ANKRD28: variants seen among roughly 807,000 people sequenced by gnomAD.
ANKRD28 encodes ankyrin repeat domain 28.
A neutral mutation model predicts 126.5 loss-of-function variants in ANKRD28; 44 were observed. The ratio of observed to expected loss-of-function variants is 0.35; its 90% CI spans 0.27 to 0.45. The LOEUF is 0.45. ANKRD28 is among the 20% of genes least tolerant of loss of function. The pLI is 1.00. For synonymous variants in ANKRD28, 442 were observed against 468.5 expected (o/e 0.94, Z 0.73); for missense variants, 1,110 against 1,316.6 (o/e 0.84, Z 2.43).
chr3:15,851,191 G>C (rs928162140), intron 1 of ANKRD28, among the ~76,000 whole-genome samples: 10 of 151,972 alleles, frequency 6.6e-5, no homozygotes, highest in Non-Finnish European at 1.0e-4. Flanking sequence ...TGGCCAATAT[G>C]CACATGAAAA....
intron 1 of ANKRD28, among the ~76,000 whole-genome samples, chr3:15,824,748 T>G (rs1003819544): frequency 2.0e-5 from 3 of 152,248 alleles, no homozygotes; most frequent in African/African-American, 7.2e-5. Flanking sequence ...TGTGCACATT[T>G]GCTATCAGGT....
intron 4 of ANKRD28, among the ~76,000 whole-genome samples, chr3:15,748,997 T>G (rs994957698): frequency 4.6e-5 from 7 of 152,094 alleles, no homozygotes; most frequent in African/African-American, 2.4e-5. Flanking sequence ...GACTTTCCAG[T>G]GCATTTTGCA....
chr3:15,777,044 G>C (rs1339731890), intron 2 of ANKRD28, among the ~76,000 whole-genome samples: 1 of 152,128 alleles, frequency 6.6e-6, no homozygotes, highest in Non-Finnish European at 1.5e-5. Context: ...GGGAGGCCGA[G>C]GTGGGTGGAT....
intron 12 of ANKRD28, 63 bp downstream of exon 12, chr3:15,711,148 T>TA: frequency 7.4e-7 from 1 of 1,360,356 alleles, no homozygotes; most frequent in Non-Finnish European, 1.0e-6. Flanking sequence ...AGAACAAAGA[T>TA]AAGAGAAAAC....
In ANKRD28 at chr3:15,713,542, C is replaced by T; in HGVS notation, c.1175G>A (p.Gly392Asp). The T allele has an allele frequency of 1.2e-6, 2 of 1,611,246 alleles. No homozygotes were observed. Among genetic ancestry groups the T allele is most frequent in the South Asian group, 1.1e-5 (1 of 90,618 alleles). The change falls in exon 10 of 28, where the codon GGT becomes GAT. Residue 392 changes from glycine (G) to aspartate (D), a missense_variant. Gly to Asp is a moderately conservative substitution (Grantham distance 94). Transcript: ENST00000683139. ...ELLINTLITS[G>D]ADTAKRGIHG... ...AAGTACTTACTTTGCAGTGTCAGCA[C>T]CACTTGTAATAAGAGTGTTGATCAG...
Position 15,669,325 on chromosome 3 carries a change from T to TA in ANKRD28, c.*944dup, listed in dbSNP as rs892240411. The TA allele has an allele frequency of 6.6e-6, 1 of 152,204 alleles. No individual in the cohort carries two copies. The highest frequency in any genetic ancestry group is 1.5e-5 in the Non-Finnish European group (1 of 68,024). The allele number at this position is 152,204 out of a possible 1,614,324, so 9.4% of individuals were successfully genotyped here. A position where few individuals can be genotyped will look rare whatever the true frequency, so the allele number is the denominator to read the frequency against. On this transcript the variant is annotated 3_prime_UTR_variant, in exon 28 of 28. Transcript: ENST00000683139. ...ATAAGTGACTAAGGTGTGCCATTCA[T>TA]AGAGAGGTTGAAGACTCCATGCCCC...
chr3:15,684,732 T>C, intron 21 of ANKRD28: 1 of 99,446 alleles, frequency 1.0e-5, no homozygotes, highest in Non-Finnish European at 2.1e-5. Context: ...AAAAAAATAG[T>C]AAAAGAACAC....
intron 5 of ANKRD28, among the ~76,000 whole-genome samples, chr3:15,735,699 A>G (rs1032496714): frequency 2.0e-5 from 3 of 152,192 alleles, no homozygotes. Context: ...GGTGCTACTG[A>G]AGTCAGGCAT....
chr3:15,773,444 G>A (rs1336803796), intron 2 of ANKRD28, among the ~76,000 whole-genome samples: 1 of 152,102 alleles, frequency 6.6e-6, no homozygotes, highest in African/African-American at 2.4e-5. Context: ...GGCCAACATG[G>A]CAAAACCCTG....
At chr3:15,821,268 C>A (rs760855953) in intron 1 of ANKRD28, among the ~76,000 whole-genome samples, 17 of 152,174 alleles carry the variant, frequency 1.1e-4, no homozygotes, top group Non-Finnish European at 2.4e-4. Flanking sequence ...TCAGTAGTTA[C>A]GTTCCTTAAA....
chr3:15,789,626 A>C (rs2059936533), intron 2 of ANKRD28, among the ~76,000 whole-genome samples: 2 of 152,008 alleles, frequency 1.3e-5, no homozygotes, highest in South Asian at 4.1e-4. Context: ...ACCATGCTCT[A>C]GATTAAATTA....
intron 3 of ANKRD28, among the ~76,000 whole-genome samples, chr3:15,762,756 A>G (rs2058555888): frequency 6.6e-6 from 1 of 152,194 alleles, no homozygotes; most frequent in Non-Finnish European, 1.5e-5. Context: ...AAAAATAGAA[A>G]TGCTCCTTAA....
At position 15,737,046 on chromosome 3, in the gene ANKRD28, C is replaced by G. The variant is rs1383833574; in HGVS notation, c.539G>C (p.Ser180Thr). 3 of 1,613,940 alleles carry G rather than the reference C, an allele frequency of 1.9e-6. No homozygotes were observed. The highest frequency in any genetic ancestry group is 2.2e-5 in the South Asian group (2 of 91,076). Residue 180 changes from serine to threonine, a missense_variant, in exon 5 of 28, where the codon AGT (serine) becomes ACT (threonine). Ser to Thr is a moderately conservative substitution (Grantham distance 58). Coordinates refer to ENST00000683139, the MANE Select transcript of ANKRD28 (RefSeq NM_001349278.2). ...AATGCCACCTACCTCACCATGTCCACTGAAAGCTGCATGATGTAATGCAGT... is the reference window on the plus strand; with the variant it reads ...AATGCCACCTACCTCACCATGTCCAGTGAAAGCTGCATGATGTAATGCAGT... The part of the protein sequence containing the change: ...GRTALHHAAF[S>T]GHGEMVKLLL...
At chr3:15,697,177 G>A (rs1296980112) in intron 14 of ANKRD28, 1 of 152,156 alleles carries the variant, frequency 6.6e-6, no homozygotes, top group African/African-American at 2.4e-5. Context: ...TCTAAGTGAA[G>A]CAATTCAGGG....
rs372952325 is a variant in ANKRD28, at chr3:15,852,878, A to G, written c.27+6499T>C. ...AAAAGAATGTCAACTTAAATTGACT[A>G]GGCAAAAGTAGCCTTCTCACAAAAG... On this transcript the variant is annotated intron_variant, in intron 1 of 27. Coordinates refer to the ANKRD28 transcript ENST00000399451. Among the ~76,000 whole-genome samples, 15 of 150,872 alleles carry G rather than the reference A, an allele frequency of 9.9e-5. No homozygotes were observed. The East Asian group carries it at 2.7e-3, about 27-fold the overall frequency.
intron 7 of ANKRD28, among the ~76,000 whole-genome samples, chr3:15,721,533 T>G (rs572891272): frequency 3.3e-5 from 5 of 152,328 alleles, no homozygotes; most frequent in African/African-American, 1.2e-4. Flanking sequence ...ATGCACATTT[T>G]CATCTTTTTC....
Position 15,814,102 on chromosome 3 carries a change from T to C in ANKRD28, c.28-18796A>G. ...TATAAATGTTTCTACAATAAAGGAC[T>C]TTTTGGCTGACACTAACTATTTACT... On this transcript the variant is annotated intron_variant, in intron 1 of 27. Transcript: ENST00000399451. This position sits in a 1 kb window ranked among gnomAD's most constrained non-coding sequence, Gnocchi z 4.7. 1 of 246,120 alleles carries C rather than the reference T, an allele frequency of 4.1e-6. No individual in the cohort carries two copies. Among genetic ancestry groups the C allele is most frequent in the South Asian group, 8.4e-5 (1 of 11,842 alleles). The allele number at this position is 246,120 out of a possible 1,614,324, so 15.2% of individuals were successfully genotyped here.
intron 1 of ANKRD28, among the ~76,000 whole-genome samples, chr3:15,808,393 C>T (rs1449416413): frequency 6.6e-6 from 1 of 152,196 alleles, no homozygotes; most frequent in African/African-American, 2.4e-5. Flanking sequence ...GCCTTATCCC[C>T]TGGCTTTCTA....
chr3:15,741,697 C>CTTTTTTTTTTTTTTTTTTTTTT (rs58655271), intron 4 of ANKRD28, among the ~76,000 whole-genome samples: 15 of 33,662 alleles, frequency 4.5e-4, no homozygotes, highest in African/African-American at 1.1e-3. Context: ...TGGTTCTATC[C>CTTTTTTTTTTTTTTTTTTTTTT]TTTTTTTTTT....
Sources: allele counts gnomAD v4.1 joint callset (sites outside exome capture counted in the v4.1 genomes callset), GRCh38; gene constraint gnomAD v4.1.1; non-coding constraint Gnocchi (gnomAD v3.1); transcripts MANE v1.5; gene names NCBI Gene and HGNC (gene_info 2026-07-23, HGNC 2026-07-21).